GLT1D1: variants seen among roughly 807,000 people sequenced by gnomAD.
GLT1D1 encodes glycosyltransferase 1 domain containing 1.
In GLT1D1, 21 loss-of-function variants were observed where a neutral mutation model predicts 28.7. The ratio of observed to expected loss-of-function variants is 0.73; its 90% confidence interval spans 0.52 to 1.05. GLT1D1 has a LOEUF of 1.05. Ranked by LOEUF, GLT1D1 falls within the 50% of genes least tolerant of loss-of-function variation. The probability of loss-of-function intolerance (pLI) is 0.00; values close to 1 mark genes in which losing one functional copy is unlikely to be tolerated. For missense variants in GLT1D1, 343 were observed against 330.6 expected, an observed-to-expected ratio of 1.04 and a Z score of -0.29; for synonymous variants, 147 against 124.8, an observed-to-expected ratio of 1.18 and a Z score of -1.19.
intron 7 of GLT1D1, among the ~76,000 whole-genome samples, chr12:128,961,458 G>A (rs1246682992): frequency 2.0e-5 from 3 of 152,200 alleles, no homozygotes; most frequent in Non-Finnish European, 4.4e-5. Flanking sequence ...TGGTACATAT[G>A]GCCAGTGGAG....
At chr12:128,871,144 A>T (rs2135784176) in intron 1 of GLT1D1, among the ~76,000 whole-genome samples, 1 of 152,276 alleles carries the variant, frequency 6.6e-6, no homozygotes, top group East Asian at 1.9e-4. Context: ...CCCCTTTTCC[A>T]TCTATCAGTG....
At chr12:128,901,750 TA>T (rs1371339776) in intron 4 of GLT1D1, among the ~76,000 whole-genome samples, 2 of 150,622 alleles carry the variant, frequency 1.3e-5, no homozygotes, top group Non-Finnish European at 2.9e-5. Flanking sequence ...TTTTTTTTAT[TA>T]TTATTATTTT....
Position 128,899,297 on chromosome 12 carries a change from TATCTGG to T in GLT1D1, c.375+11_375+16del. ...GGCACAAGCGCAGTGGGTATGTGTT[TATCTGG>T]TGTTGTTATTTTGGTTGTGCTGATG... On this transcript the variant is annotated intron_variant, in intron 4 of 7. Coordinates refer to ENST00000281703, the MANE Select transcript of GLT1D1 (RefSeq NM_144669.3). 6.2e-7 allele frequency: 1 copy of T among 1,610,448 alleles called. No homozygotes were observed. Among genetic ancestry groups the T allele is most frequent in the East Asian group, 2.2e-5 (1 of 44,830 alleles).
intron 7 of GLT1D1, among the ~76,000 whole-genome samples, chr12:128,977,076 G>C (rs1879837847): frequency 6.6e-6 from 1 of 152,208 alleles, no homozygotes. Context: ...ACCCCGGGAG[G>C]CAGAGGTTGC....
chr12:128,931,024 C>T lies in GLT1D1; in HGVS notation c.376-14302C>T, dbSNP rs556620568. ...TTTTTTTTTTTTTTTTAAAATGAGA[C>T]GGAGTCTTGCTCTGCCGCCCAGGCT... is the stretch of plus-strand genomic sequence containing the variant. On this transcript the variant is annotated intron_variant, in intron 4 of 7. Transcript: ENST00000281703. Among the ~76,000 whole-genome samples the T allele has an allele frequency of 5.3e-3, 788 of 147,812 alleles. 2 individuals are homozygous for T. The highest frequency in any genetic ancestry group is 0.019 in the African/African-American group (743 of 40,042).
intron 7 of GLT1D1, among the ~76,000 whole-genome samples, chr12:128,969,765 T>G (rs1424712623): frequency 6.6e-6 from 1 of 152,180 alleles, no homozygotes; most frequent in Non-Finnish European, 1.5e-5. Context: ...GTGAGCTCAG[T>G]CCCCACCTCT....
At chr12:128,893,811 C>T (rs1449671230) in intron 3 of GLT1D1, among the ~76,000 whole-genome samples, 1 of 152,042 alleles carries the variant, frequency 6.6e-6, no homozygotes, top group Non-Finnish European at 1.5e-5. Context: ...GTCTCGAACT[C>T]CTGACCACAG....
At chr12:128,927,999 C>CAAAAAA (rs938188484) in intron 4 of GLT1D1, among the ~76,000 whole-genome samples, 13 of 42,240 alleles carry the variant, frequency 3.1e-4, no homozygotes, top group East Asian at 1.4e-3. Flanking sequence ...GACTCTGTCT[C>CAAAAAA]AAAAAAAAAA....
At chr12:128,884,895 A>T (rs1957141854) in intron 2 of GLT1D1, among the ~76,000 whole-genome samples, 1 of 151,974 alleles carries the variant, frequency 6.6e-6, no homozygotes, top group Non-Finnish European at 1.5e-5. Flanking sequence ...TATGTGAGGT[A>T]ATACATATAT....
chr12:128,952,996 G>A (rs886713070), intron 6 of GLT1D1, among the ~76,000 whole-genome samples: 3 of 151,904 alleles, frequency 2.0e-5, no homozygotes, highest in African/African-American at 7.3e-5. Flanking sequence ...TGGCCTAGCT[G>A]GTCTTGAACT....
chr12:128,953,751 T>C (rs903266338), intron 6 of GLT1D1, among the ~76,000 whole-genome samples: 1 of 152,034 alleles, frequency 6.6e-6, no homozygotes, highest in African/African-American at 2.4e-5. Flanking sequence ...AGCTTTTTTT[T>C]TTTTTTGTCT....
intron 2 of GLT1D1, among the ~76,000 whole-genome samples, chr12:128,876,995 A>G (rs940942296): frequency 2.0e-5 from 3 of 152,040 alleles, no homozygotes; most frequent in African/African-American, 7.2e-5. Flanking sequence ...ACAACAATAC[A>G]CTCTCTCAGA....
At chr12:128,892,768 G>A (rs1157103775) in intron 3 of GLT1D1, among the ~76,000 whole-genome samples, 2 of 151,722 alleles carry the variant, frequency 1.3e-5, no homozygotes, top group African/African-American at 2.4e-5. Context: ...AGTTTTTTTA[G>A]TATTTAAATT....
intron 6 of GLT1D1, among the ~76,000 whole-genome samples, chr12:128,952,159 G>A (rs908376364): frequency 9.9e-5 from 15 of 152,158 alleles, no homozygotes; most frequent in African/African-American, 3.6e-4. Context: ...ACGGAAAGAA[G>A]GACTGGGAGA....
At position 128,888,695 on chromosome 12, in the gene GLT1D1, A is replaced by T; in HGVS notation, c.274A>T (p.Asn92Tyr). ...TGGAACTGATGTAAATGAAGATGCC[A>T]ACCAGGCGGAAAAAAACACAGTCAT... Residue 92 changes from asparagine (N) to tyrosine (Y), a missense_variant, in exon 3 of 8, where the codon AAC becomes TAC. Transcript: ENST00000281703. 6.2e-7 allele frequency: 1 copy of T among 1,614,006 alleles called. No individual in the cohort carries two copies. The highest frequency in any genetic ancestry group is 8.5e-7 in the Non-Finnish European group (1 of 1,179,908).
At chr12:128,933,213 C>T (rs1874122269) in intron 4 of GLT1D1, among the ~76,000 whole-genome samples, 1 of 152,254 alleles carries the variant, frequency 6.6e-6, no homozygotes, top group Admixed American at 6.5e-5. Flanking sequence ...TTACCAAGGC[C>T]AGTTTCTAGT....
At chr12:128,943,302 G>C (rs190744218) in intron 4 of GLT1D1, among the ~76,000 whole-genome samples, 1 of 151,736 alleles carries the variant, frequency 6.6e-6, no homozygotes, top group Non-Finnish European at 1.5e-5. Flanking sequence ...ATTTACTAAC[G>C]ACAAAGTGTG....
At chr12:128,973,950 TG>T (rs199984214) in intron 7 of GLT1D1, among the ~76,000 whole-genome samples, 61,549 of 106,730 alleles carry the variant, frequency 0.58, 15,835 homozygotes, top group Non-Finnish European at 0.65. Context: ...TGTGTGTGTG[TG>T]GGGGGGGCGC....
At chr12:128,928,028 AAAAAGAAT>A (rs1873457592) in intron 4 of GLT1D1, among the ~76,000 whole-genome samples, 2 of 149,158 alleles carry the variant, frequency 1.3e-5, no homozygotes, top group African/African-American at 5.1e-5. Context: ...AAAAAAAACA[AAAAAGAAT>A]AGAAAAAAAG....
Sources: gnomAD v4.1 joint callset for allele counts (sites outside exome capture counted in the v4.1 genomes callset) on GRCh38, gnomAD v4.1.1 for gene constraint, MANE v1.5 for transcripts, NCBI Gene and HGNC (gene_info 2026-07-23, HGNC 2026-07-21) for gene names.